The following LDB2 variants were observed in gnomAD, a reference collection of about 807,000 sequenced individuals.
LDB2 encodes LIM domain binding 2, also known as LIM domain-binding protein 2.
A neutral mutation model predicts 44.3 loss-of-function variants in LDB2; 12 were observed. That is an observed-to-expected ratio of 0.27 (90% CI 0.17 to 0.44). The LOEUF (loss-of-function observed/expected upper bound fraction) is 0.44. LDB2 is among the 20% of genes least tolerant of loss of function. LDB2 has a pLI of 1.00. For missense variants in LDB2, 344 were observed against 473.5 expected (o/e 0.73, Z 2.54); for synonymous variants, 164 against 174.8 (o/e 0.94, Z 0.49).
At chr4:16,800,743 C>T (rs185362069) in intron 1 of LDB2, among the ~76,000 whole-genome samples, 22 of 152,340 alleles carry the variant, frequency 1.4e-4, no homozygotes, top group African/African-American at 5.1e-4. Context: ...GGCGCAATCT[C>T]GGCTCACTGC....
At chr4:16,749,020 T>C (rs1363353304) in intron 2 of LDB2, among the ~76,000 whole-genome samples, 3 of 152,132 alleles carry the variant, frequency 2.0e-5, no homozygotes, top group Admixed American at 6.5e-5. Flanking sequence ...TGGGAAGTCA[T>C]TGAGGAAGGT....
intron 3 of LDB2, among the ~76,000 whole-genome samples, chr4:16,592,433 A>G (rs1002189931): frequency 4.7e-5 from 7 of 148,162 alleles, no homozygotes; most frequent in African/African-American, 1.7e-4. Flanking sequence ...GTGGTACTGC[A>G]TATGTAAACG....
intron 5 of LDB2, among the ~76,000 whole-genome samples, chr4:16,513,143 C>A (rs1034398209): frequency 3.3e-5 from 5 of 152,206 alleles, no homozygotes; most frequent in African/African-American, 1.2e-4. Flanking sequence ...AATCCCTCAT[C>A]TTGAACATGT....
intron 1 of LDB2, among the ~76,000 whole-genome samples, chr4:16,813,221 G>A (rs1780236877): frequency 6.6e-6 from 1 of 152,066 alleles, no homozygotes; most frequent in Admixed American, 6.5e-5. Context: ...CCTGGCATCA[G>A]GAGATTCACC....
intron 7 of LDB2, chr4:16,506,060 C>T: frequency 6.8e-7 from 1 of 1,468,020 alleles, no homozygotes; most frequent in Non-Finnish European, 9.2e-7. Context: ...GCCGCAGCAG[C>T]TACACAGACC....
At chr4:16,773,172 T>C (rs1439927913) in intron 1 of LDB2, among the ~76,000 whole-genome samples, 1 of 152,216 alleles carries the variant, frequency 6.6e-6, no homozygotes, top group Admixed American at 6.5e-5. Flanking sequence ...GATATCTGTC[T>C]TTATGACGTC....
intron 2 of LDB2, among the ~76,000 whole-genome samples, chr4:16,745,016 CA>C (rs1417747167): frequency 6.6e-6 from 1 of 152,128 alleles, no homozygotes; most frequent in Non-Finnish European, 1.5e-5. Context: ...TTTCATTATA[CA>C]GATCAAAATG....
intron 5 of LDB2, among the ~76,000 whole-genome samples, chr4:16,567,270 T>C (rs899232227): frequency 6.6e-6 from 1 of 152,126 alleles, no homozygotes; most frequent in African/African-American, 2.4e-5. Context: ...GCAAAATGAA[T>C]TATGGTATAT....
intron 2 of LDB2, among the ~76,000 whole-genome samples, chr4:16,682,104 T>C (rs2152569080): frequency 6.6e-6 from 1 of 152,330 alleles, no homozygotes; most frequent in South Asian, 2.1e-4. Flanking sequence ...TTATTTTATA[T>C]AGACAGAGAG....
intron 1 of LDB2, among the ~76,000 whole-genome samples, chr4:16,864,786 G>A (rs563279926): frequency 2.6e-5 from 4 of 152,068 alleles, no homozygotes; most frequent in Admixed American, 6.5e-5. Flanking sequence ...TTAGCTGGGC[G>A]TGGTGGCGGG....
At chr4:16,887,455 C>T (rs1722083872) in intron 1 of LDB2, among the ~76,000 whole-genome samples, 1 of 152,148 alleles carries the variant, frequency 6.6e-6, no homozygotes, top group Non-Finnish European at 1.5e-5. Flanking sequence ...TATGCACTGA[C>T]TGTTTAAGTT....
rs554975550 is a variant in LDB2 at position 16,766,131 on chromosome 4, G to A, written c.133-6871C>T. 1.1e-4 allele frequency among the ~76,000 whole-genome samples: 17 copies of A among 151,714 alleles called. No individual in the cohort carries two copies. In the South Asian group the frequency reaches 3.3e-3, roughly 30 times the overall value. ...GTTACAAATATAAATAAATGTTCTG[G>A]GTCACCATATCCTACTCTGTTTTTC... On this transcript the variant is annotated intron_variant, in intron 1 of 7. Transcript: ENST00000304523.
At chr4:16,567,518 A>G (rs1203530309) in intron 5 of LDB2, among the ~76,000 whole-genome samples, 1 of 152,130 alleles carries the variant, frequency 6.6e-6, no homozygotes, top group Non-Finnish European at 1.5e-5. Context: ...AGAGAGGGGA[A>G]CTGAGTGTTT....
intron 1 of LDB2, among the ~76,000 whole-genome samples, chr4:16,845,125 G>A (rs1418372398): frequency 6.6e-6 from 1 of 152,194 alleles, no homozygotes; most frequent in Admixed American, 6.5e-5. Context: ...ATTAAAGCTA[G>A]CAGGTGGAGG....
At chr4:16,788,877 G>A (rs1238573281) in intron 1 of LDB2, among the ~76,000 whole-genome samples, 1 of 152,136 alleles carries the variant, frequency 6.6e-6, no homozygotes, top group Non-Finnish European at 1.5e-5. Context: ...TTCCTGTCCA[G>A]CCTACTGGGG....
intron 2 of LDB2, among the ~76,000 whole-genome samples, chr4:16,754,305 T>G (rs932009878): frequency 2.0e-5 from 3 of 152,222 alleles, no homozygotes; most frequent in African/African-American, 7.2e-5. Flanking sequence ...AAAGGTCATA[T>G]GGACTCCCAC....
intron 2 of LDB2, among the ~76,000 whole-genome samples, chr4:16,684,697 G>A: frequency 6.6e-6 from 1 of 152,184 alleles, no homozygotes. Flanking sequence ...TGGACCTTTG[G>A]ATTTTGGATT....
chr4:16,790,781 G>C (rs1775538530), intron 1 of LDB2, among the ~76,000 whole-genome samples: 1 of 152,172 alleles, frequency 6.6e-6, no homozygotes. Flanking sequence ...AGGTAACCCA[G>C]AGTTAAGTTT....
At chr4:16,845,814 A>T (rs1238114910) in intron 1 of LDB2, among the ~76,000 whole-genome samples, 1 of 152,186 alleles carries the variant, frequency 6.6e-6, no homozygotes, top group African/African-American at 2.4e-5. Flanking sequence ...CCCAAAAGAA[A>T]TGAGCTAATA....
Sources: allele counts gnomAD v4.1 joint callset (sites outside exome capture counted in the v4.1 genomes callset), GRCh38; gene constraint gnomAD v4.1.1; transcripts MANE v1.5; gene names NCBI Gene and HGNC (gene_info 2026-07-23, HGNC 2026-07-21).